Variants in DOCK1 observed in about 807,000 individuals in gnomAD.
DOCK1 encodes dedicator of cytokinesis 1.
In DOCK1, 138 loss-of-function variants were observed where a neutral mutation model predicts 262.7. That is an observed-to-expected ratio of 0.53 (90% confidence interval 0.46 to 0.61). DOCK1 has a LOEUF of 0.61. DOCK1 is among the 20% of genes least tolerant of loss of function. DOCK1 has a pLI of 0.00. For synonymous variants in DOCK1, 866 were observed against 867.4 expected (o/e 1.00, Z 0.03); for missense variants, 1,908 against 2,370.7 (o/e 0.80, Z 4.05).
At chr10:127,442,620 T>C in intron 49 of DOCK1, among the ~76,000 whole-genome samples, 1 of 151,948 alleles carries the variant, frequency 6.6e-6, no homozygotes, top group Non-Finnish European at 1.5e-5. Context: ...AAAAAATGCA[T>C]TGAAAAGGAG....
intron 4 of DOCK1, among the ~76,000 whole-genome samples, chr10:126,986,350 C>T (rs777680172): frequency 5.9e-5 from 9 of 152,156 alleles, no homozygotes; most frequent in Non-Finnish European, 8.8e-5. Flanking sequence ...TTCCACAGGT[C>T]TGGGCTCTGT....
intron 33 of DOCK1, among the ~76,000 whole-genome samples, chr10:127,362,874 CAT>C (rs2064593860): frequency 7.0e-6 from 1 of 143,454 alleles, no homozygotes; most frequent in East Asian, 2.0e-4. Context: ...CACACACACA[CAT>C]ACACATCCCC....
chr10:127,387,549 T>C (rs2134159819), intron 38 of DOCK1, among the ~76,000 whole-genome samples: 1 of 152,326 alleles, frequency 6.6e-6, no homozygotes, highest in South Asian at 2.1e-4. Flanking sequence ...GGAAACATCC[T>C]CTTTTCTCCT....
In DOCK1 at chr10:127,415,198, C is replaced by G; in HGVS notation, c.4475C>G (p.Pro1492Arg). The G allele has an allele frequency of 6.2e-7, 1 of 1,613,242 alleles. No individual in the cohort carries two copies. The highest frequency in any genetic ancestry group is 8.5e-7 in the Non-Finnish European group (1 of 1,179,814). ...ATATATACAACTGCATATAAATTAC[C>G]TGGAATTTTAAGGTGGTTTGAGGTC... ...RTIYTTAYKL[P>R]GILRWFEVKS... The change falls in exon 44 of 52, where the codon CCT becomes CGT. Residue 1492 changes from proline to arginine, a missense_variant. By Grantham distance (103) the Pro-to-Arg change is moderately radical. This residue lies in a region of DOCK1 where 57 missense variants were observed against 103.1 expected (regional missense o/e 0.55). Transcript: ENST00000623213.
At chr10:127,218,128 TAATC>T (rs2058290230) in intron 27 of DOCK1, among the ~76,000 whole-genome samples, 1 of 152,222 alleles carries the variant, frequency 6.6e-6, no homozygotes, top group Admixed American at 6.5e-5. Flanking sequence ...GGAAAGTAAT[TAATC>T]TCATTAATCT....
chr10:126,939,058 G>C (rs1401647053), intron 1 of DOCK1, among the ~76,000 whole-genome samples: 1 of 91,664 alleles, frequency 1.1e-5, no homozygotes, highest in Admixed American at 1.1e-4. Context: ...GATGAACACC[G>C]GGGGGGGGAC....
intron 27 of DOCK1, among the ~76,000 whole-genome samples, chr10:127,159,600 T>C (rs972310969): frequency 6.6e-6 from 1 of 152,152 alleles, no homozygotes; most frequent in African/African-American, 2.4e-5. Context: ...TTTGGACCAA[T>C]AGCAAAAGAG....
chr10:127,109,562 C>T lies in DOCK1; in HGVS notation c.2517-686C>T, dbSNP rs564476046. On this transcript the variant is annotated intron_variant, in intron 24 of 51. Transcript: ENST00000623213. ...CATTTTTCCTTCCTAGCCCAGGTAA[C>T]CCCGAATCTCTTTTCTCTCTCTACA... Among the ~76,000 whole-genome samples, 3 of 152,248 alleles carry T rather than the reference C, an allele frequency of 2.0e-5. No individual in the cohort carries two copies. The South Asian group carries it at 6.2e-4, about 32-fold the overall frequency.
At chr10:127,433,499 G>T in intron 48 of DOCK1, 71 bp downstream of exon 48, 1 of 1,522,566 alleles carries the variant, frequency 6.6e-7, no homozygotes, top group Non-Finnish European at 8.8e-7. Context: ...GCCACCCAGG[G>T]CTCTGGGTTT....
At chr10:127,377,785 G>A (rs1291269688) in intron 35 of DOCK1, among the ~76,000 whole-genome samples, 9 of 151,674 alleles carry the variant, frequency 5.9e-5, no homozygotes, top group Admixed American at 2.0e-4. Context: ...CCAGGTACTC[G>A]GGAGGCTGAG....
intron 51 of DOCK1, among the ~76,000 whole-genome samples, chr10:127,448,897 A>C (rs983029882): frequency 6.6e-5 from 10 of 151,608 alleles, no homozygotes; most frequent in African/African-American, 2.4e-4. Context: ...GGAGTGTTCC[A>C]CAAGGTCATT....
At chr10:127,265,267 GT>G (rs1489881626) in intron 29 of DOCK1, among the ~76,000 whole-genome samples, 1 of 152,070 alleles carries the variant, frequency 6.6e-6, no homozygotes, top group Non-Finnish European at 1.5e-5. Flanking sequence ...GTTTGGTTTT[GT>G]TCTATCTGCA....
At chr10:127,447,597 A>G in intron 51 of DOCK1, 52 bp downstream of exon 51, 1 of 1,597,308 alleles carries the variant, frequency 6.3e-7, no homozygotes, top group African/African-American at 1.3e-5. Context: ...TCCACAAAGT[A>G]GGACGAGTCC....
chr10:127,046,363 C>T (rs1171385080), intron 21 of DOCK1, among the ~76,000 whole-genome samples: 4 of 152,132 alleles, frequency 2.6e-5, no homozygotes, highest in African/African-American at 4.8e-5. Context: ...TTCAGAACAG[C>T]GAGCAGGAGT....
chr10:127,076,309 G>A (rs183008246), intron 23 of DOCK1, among the ~76,000 whole-genome samples: 35 of 152,288 alleles, frequency 2.3e-4, no homozygotes, highest in East Asian at 1.9e-3. Context: ...AGACCATCCT[G>A]GCTAACACGG....
intron 1 of DOCK1, among the ~76,000 whole-genome samples, chr10:126,928,151 G>C (rs1349157460): frequency 6.6e-6 from 1 of 152,218 alleles, no homozygotes; most frequent in Non-Finnish European, 1.5e-5. Flanking sequence ...GAGTGAAGGC[G>C]TTCAGCAGAG....
At chr10:127,267,504 T>C (rs555278917) in intron 29 of DOCK1, among the ~76,000 whole-genome samples, 1 of 152,340 alleles carries the variant, frequency 6.6e-6, no homozygotes, top group Non-Finnish European at 1.5e-5. Flanking sequence ...AAAATCAACC[T>C]ACTCTCAAAG....
At position 127,435,562 on chromosome 10, in the gene DOCK1, A is replaced by C. The variant is rs185244163; in HGVS notation, c.5060+2134A>C. On this transcript the variant is annotated intron_variant, in intron 48 of 51. Coordinates refer to ENST00000623213, the MANE Select transcript of DOCK1 (RefSeq NM_001290223.2). Reference sequence around the variant, plus strand: ...CACTTACAGCAAGATTGCTAAAGAAATTTAATTCAACTTCTCCCCGAGAAA... The same window carrying C: ...CACTTACAGCAAGATTGCTAAAGAACTTTAATTCAACTTCTCCCCGAGAAA... 5.3e-3 allele frequency among the ~76,000 whole-genome samples: 810 copies of C among 152,162 alleles called. 11 individuals carry two copies. Among genetic ancestry groups the C allele is most frequent in the Non-Finnish European group, 5.9e-3 (398 of 68,032 alleles).
chr10:127,140,529 C>T (rs935826997), intron 27 of DOCK1, among the ~76,000 whole-genome samples: 2 of 152,146 alleles, frequency 1.3e-5, no homozygotes, highest in African/African-American at 2.4e-5. Context: ...AGCCAGGCAA[C>T]GTGTGCAGAG....
Sources: gnomAD v4.1 joint callset for allele counts (sites outside exome capture counted in the v4.1 genomes callset) on GRCh38, gnomAD v4.1.1 for gene constraint, gnomAD v4.1.1 regional missense constraint, MANE v1.5 for transcripts, NCBI Gene and HGNC (gene_info 2026-07-23, HGNC 2026-07-21) for gene names.